EYS: variants seen among roughly 807,000 people sequenced by gnomAD.
EYS encodes protein eyes shut homolog.
Under a neutral mutation model 282.1 loss-of-function variants are expected in EYS, and 250 were observed. The observed-to-expected ratio is 0.89, with a 90% CI of 0.80 to 0.98. The LOEUF (loss-of-function observed/expected upper bound fraction) is 0.98. EYS is among the 50% of genes least tolerant of loss of function. The probability of loss-of-function intolerance (pLI) is 0.00; values close to 1 mark genes in which losing one functional copy is unlikely to be tolerated. For missense variants in EYS, 4,016 were observed against 3,709.0 expected (o/e 1.08, Z -2.15); for synonymous variants, 1,355 against 1,282.9 (o/e 1.06, Z -1.20).
At chr6:65,007,944 T>G (rs1771735974) in intron 13 of EYS, among the ~76,000 whole-genome samples, 1 of 152,096 alleles carries the variant, frequency 6.6e-6, no homozygotes. Flanking sequence ...TAACCCCAAA[T>G]GAGAGAAGTG....
intron 15 of EYS, among the ~76,000 whole-genome samples, chr6:64,936,684 A>G (rs940385119): frequency 6.6e-6 from 1 of 151,496 alleles, no homozygotes; most frequent in African/African-American, 2.4e-5. Flanking sequence ...AATAACATAA[A>G]AAGATTCAAA....
intron 31 of EYS, among the ~76,000 whole-genome samples, chr6:64,107,244 G>GAT (rs142675391): frequency 0.27 from 34,018 of 124,176 alleles, 4,654 homozygotes; most frequent in East Asian, 0.42. Context: ...ACTAGTAGGA[G>GAT]ATATATATAT....
At chr6:64,125,533 C>T (rs914943143) in intron 31 of EYS, among the ~76,000 whole-genome samples, 1 of 151,922 alleles carries the variant, frequency 6.6e-6, no homozygotes. Context: ...GGCCTGTAAT[C>T]CCAGCACTTT....
intron 29 of EYS, among the ~76,000 whole-genome samples, chr6:64,330,879 G>C (rs1770621020): frequency 6.6e-6 from 1 of 152,184 alleles, no homozygotes; most frequent in Admixed American, 6.5e-5. Context: ...AATACAGTGG[G>C]TGGAGCATGG....
chr6:63,792,546 AC>A (rs1338126244), intron 37 of EYS, among the ~76,000 whole-genome samples: 1 of 152,134 alleles, frequency 6.6e-6, no homozygotes, highest in African/African-American at 2.4e-5. Flanking sequence ...TATGTAACAA[AC>A]CTGCACATTG....
intron 16 of EYS, among the ~76,000 whole-genome samples, chr6:64,907,032 T>A (rs373412272): frequency 1.3e-5 from 2 of 152,212 alleles, no homozygotes; most frequent in East Asian, 1.9e-4. Flanking sequence ...AATCTTCATG[T>A]GGTTTTGTGG....
intron 1 of EYS, among the ~76,000 whole-genome samples, chr6:65,669,746 C>A (rs10455190): frequency 0.35 from 53,587 of 151,746 alleles, 11,943 homozygotes; most frequent in Non-Finnish European, 0.49. Flanking sequence ...TCATTACTAT[C>A]ATTGTGTAAA....
intron 26 of EYS, among the ~76,000 whole-genome samples, chr6:64,449,103 T>G (rs1419456749): frequency 6.6e-6 from 1 of 151,728 alleles, no homozygotes; most frequent in South Asian, 2.1e-4. Context: ...AGATAAAAAC[T>G]TTAAAAAAAA....
intron 2 of EYS, among the ~76,000 whole-genome samples, chr6:65,556,417 G>GTGTGTGTGTA (rs58178730): frequency 6.6e-6 from 1 of 151,866 alleles, no homozygotes; most frequent in Non-Finnish European, 1.5e-5. Flanking sequence ...GTGTATGTGT[G>GTGTGTGTGTA]ACTAAGAGAG....
intron 31 of EYS, among the ~76,000 whole-genome samples, chr6:64,156,620 T>C (rs1032836264): frequency 4.6e-5 from 7 of 152,200 alleles, no homozygotes; most frequent in Non-Finnish European, 7.3e-5. Flanking sequence ...AAAAGTCTGA[T>C]AGTGATATGG....
intron 13 of EYS, among the ~76,000 whole-genome samples, chr6:65,031,569 A>T (rs1421402503): frequency 6.6e-6 from 1 of 152,186 alleles, no homozygotes; most frequent in Non-Finnish European, 1.5e-5. Flanking sequence ...AATTAATACC[A>T]GAAAGATCTC....
chr6:65,230,345 C>T (rs940176514), intron 12 of EYS, among the ~76,000 whole-genome samples: 1 of 140,968 alleles, frequency 7.1e-6, no homozygotes, highest in Non-Finnish European at 1.6e-5. Flanking sequence ...GCAGAGCATC[C>T]AGAATGATTG....
chr6:64,297,118 G>A (rs1337455282), intron 30 of EYS, among the ~76,000 whole-genome samples: 1 of 152,096 alleles, frequency 6.6e-6, no homozygotes, highest in African/African-American at 2.4e-5. Flanking sequence ...TGACGGCCAT[G>A]GTGGACAGAA....
chr6:65,261,794 A>G (rs1268470998), intron 12 of EYS, among the ~76,000 whole-genome samples: 4 of 152,026 alleles, frequency 2.6e-5, no homozygotes, highest in Non-Finnish European at 5.9e-5. Context: ...TTCAATAGTT[A>G]ACTTTATTTG....
chr6:63,988,423 A>G (rs929250841), intron 34 of EYS, among the ~76,000 whole-genome samples: 5 of 151,604 alleles, frequency 3.3e-5, no homozygotes, highest in South Asian at 2.1e-4. Context: ...TAGACCATTA[A>G]AAAACACCCA....
At chr6:64,167,497 A>G (rs935915377) in intron 31 of EYS, among the ~76,000 whole-genome samples, 9 of 152,178 alleles carry the variant, frequency 5.9e-5, no homozygotes, top group Non-Finnish European at 1.0e-4. Flanking sequence ...GCAGACAGGT[A>G]TATATTCTGT....
In EYS at chr6:63,721,298, G is replaced by T; in HGVS notation, c.8733C>A (p.Asn2911Lys). The T allele has an allele frequency of 6.4e-7, 1 of 1,551,896 alleles. No individual in the cohort carries two copies. Among genetic ancestry groups the T allele is most frequent in the Non-Finnish European group, 8.7e-7 (1 of 1,146,988 alleles). The change falls in exon 43 of 43, where the codon AAC (asparagine) becomes AAA (lysine). Residue 2911 changes from asparagine to lysine, a missense_variant. Asn to Lys is a moderately conservative substitution (Grantham distance 94). Transcript: ENST00000503581. ...GATTATTCAAACAGGACACAGACTG[G>T]TTACATGTATTTCCAGCCCAATCTG... The part of the protein sequence containing the change: ...CLPDWAGNTC[N>K]QSVSCLNNLC...
intron 31 of EYS, among the ~76,000 whole-genome samples, chr6:64,089,896 C>T (rs1277432670): frequency 6.6e-6 from 1 of 152,032 alleles, no homozygotes; most frequent in African/African-American, 2.4e-5. Context: ...CAAAGCAATG[C>T]ACAAGGAAAC....
rs760126381 is a variant in EYS, at chr6:64,902,546, G to A, written c.2642-46C>T. ...GTATGGATGAGCAATCCTTGTTATA[G>A]AGTAAAAAAATCAGAATCAGTGGTA... is the stretch of plus-strand genomic sequence containing the variant. On this transcript the variant is annotated intron_variant, in intron 16 of 42. Coordinates refer to ENST00000503581, the MANE Select transcript of EYS (RefSeq NM_001142800.2). 7 of 1,178,142 alleles carry A rather than the reference G, an allele frequency of 5.9e-6. 1 individual carries two copies. The South Asian group carries it at 9.6e-5, about 16-fold the overall frequency. The allele number at this position is 1,178,142 out of a possible 1,614,324, so 73.0% of individuals were successfully genotyped here. A position where few individuals can be genotyped will look rare whatever the true frequency, so the allele number is the denominator to read the frequency against.
Sources: allele counts gnomAD v4.1 joint callset (sites outside exome capture counted in the v4.1 genomes callset), GRCh38; gene constraint gnomAD v4.1.1; transcripts MANE v1.5; gene names NCBI Gene and HGNC (gene_info 2026-07-23, HGNC 2026-07-21).